The following NTSR2 variants were observed in gnomAD, a reference collection of about 807,000 sequenced individuals.
NTSR2 encodes neurotensin receptor 2.
Under a neutral mutation model 24.1 loss-of-function variants are expected in NTSR2, and 22 were observed. The ratio of observed to expected loss-of-function variants is 0.91; its 90% CI spans 0.65 to 1.30. NTSR2 has a LOEUF of 1.30. Ranked by LOEUF, NTSR2 falls within the 50% of genes most tolerant of loss-of-function variation. NTSR2 has a pLI of 0.00. For synonymous variants in NTSR2, 291 were observed against 267.0 expected (o/e 1.09, Z -0.88); for missense variants, 570 against 570.4 (o/e 1.00, Z 0.01).
intron 1 of NTSR2, 46 bp downstream of exon 1, chr2:11,669,460 G>GGGGGGGGGGGGGGGGCC: frequency 8.6e-5 from 22 of 254,716 alleles, no homozygotes; most frequent in Non-Finnish European, 1.2e-4. Flanking sequence ...TCCCAGCACC[G>GGGGGGGGGGGGGGGGCC]CCCCCCCACC....
At position 11,670,188 on chromosome 2, in the gene NTSR2, T is replaced by C. The variant is rs1052283907; in HGVS notation, c.-59A>G. ...CTGCCCGGAGTCTGGGCGAGCTGCCTGGTTAGTGAGCACCTCCTCTTCTCT... is the reference window on the plus strand; with the variant it reads ...CTGCCCGGAGTCTGGGCGAGCTGCCCGGTTAGTGAGCACCTCCTCTTCTCT... On this transcript the variant is annotated 5_prime_UTR_variant, in exon 1 of 4. Coordinates refer to ENST00000306928, the MANE Select transcript of NTSR2 (RefSeq NM_012344.4). The C allele has an allele frequency of 3.0e-6, 4 of 1,355,136 alleles. No homozygotes were observed. The African/African-American group carries it at 6.2e-5, about 21-fold the overall frequency. The allele number at this position is 1,355,136 out of a possible 1,614,324, so 83.9% of individuals were successfully genotyped here.
intron 1 of NTSR2, among the ~76,000 whole-genome samples, chr2:11,665,060 T>G (rs890664959): frequency 1.4e-5 from 2 of 139,578 alleles, no homozygotes; most frequent in African/African-American, 6.1e-5. Flanking sequence ...GCACTGTTTT[T>G]TTTTTTTTTT....
rs114776726 is a variant in NTSR2 at position 11,661,824 on chromosome 2, G to A, written c.898+143C>T. 4.2e-4 allele frequency: 290 copies of A among 688,314 alleles called. 1 individual carries two copies. In the African/African-American group the frequency reaches 4.6e-3, roughly 11 times the overall value. The allele number at this position is 688,314 out of a possible 1,614,324, so 42.6% of individuals were successfully genotyped here. On this transcript the variant is annotated intron_variant, in intron 2 of 3. Transcript: ENST00000306928. ...ACCGAACCCTACAGGAAGTCTGTTG[G>A]TTATACAGTTCCCCTGGGGCATAGG...
chr2:11,660,118 A>G lies in NTSR2; in HGVS notation c.914T>C (p.Met305Thr), dbSNP rs777662290. 5.0e-6 allele frequency: 8 copies of G among 1,613,494 alleles called. No homozygotes were observed. The highest frequency in any genetic ancestry group is 1.6e-4 in the Middle Eastern group (1 of 6,062). Residue 305 changes from methionine to threonine, a missense_variant, in exon 3 of 4, where the codon ATG becomes ACG. Coordinates refer to ENST00000306928, the MANE Select transcript of NTSR2 (RefSeq NM_012344.4). ...GTACGGCAGCCAGCAGATGACATAC[A>G]TGACCACGATGGCTCCTGCAGAGCA... Reference protein sequence around the residue: ...SVQVLRAIVVMYVICWLPYHA... With the variant: ...SVQVLRAIVVTYVICWLPYHA...
At chr2:11,662,262 C>T (rs376727017) in intron 1 of NTSR2, 22 bp from the exon 2 acceptor site, 2 of 1,474,736 alleles carry the variant, frequency 1.4e-6, no homozygotes, top group Non-Finnish European at 1.8e-6. Context: ...ATGCCAAGGG[C>T]TATGGGGCAG....
chr2:11,659,419 C>T (rs183726327), intron 3 of NTSR2, among the ~76,000 whole-genome samples: 20 of 152,246 alleles, frequency 1.3e-4, no homozygotes, highest in African/African-American at 4.6e-4. Flanking sequence ...CAGTGGGAAG[C>T]GCTTGGCACG....
At chr2:11,666,241 GCCCCAGA>G in intron 1 of NTSR2, among the ~76,000 whole-genome samples, 1 of 152,128 alleles carries the variant, frequency 6.6e-6, no homozygotes. Context: ...TCCAGCTGCT[GCCCCAGA>G]GGCCACAGGG....
intron 1 of NTSR2, among the ~76,000 whole-genome samples, chr2:11,667,479 T>A (rs1203428057): frequency 2.6e-5 from 4 of 152,138 alleles, no homozygotes; most frequent in African/African-American, 9.7e-5. Context: ...CCTCAACAGC[T>A]AGGACTACAG....
At position 11,670,070 on chromosome 2, in the gene NTSR2, G is replaced by T; in HGVS notation, c.60C>A (p.Asp20Glu). The change falls in exon 1 of 4, where the codon GAC becomes GAA. Residue 20 changes from aspartate to glutamate, a missense_variant. Transcript: ENST00000306928. ...RPSSNPGLSL[D>E]ARLGVDTRLW... is the part of the protein sequence containing the mutation. Reference sequence around the variant, plus strand: ...GGCGAGTGTCCACGCCCAGCCGGGCGTCCAGGCTCAGCCCCGGGTTGGAGC... The same window carrying T: ...GGCGAGTGTCCACGCCCAGCCGGGCTTCCAGGCTCAGCCCCGGGTTGGAGC... 1 of 1,460,386 alleles carries T rather than the reference G, an allele frequency of 6.8e-7. No individual in the cohort carries two copies. The allele number at this position is 1,460,386 out of a possible 1,614,324, so 90.5% of individuals were successfully genotyped here. A position where few individuals can be genotyped will look rare whatever the true frequency, so the allele number is the denominator to read the frequency against.
chr2:11,669,480 C>T lies in NTSR2; in HGVS notation c.624+26G>A, dbSNP rs989201633. ...GCACCGCCCCCCCACCCCCCCTCCC[C>T]CGACTCCCGCTCTCCACGCCCTTAC... On this transcript the variant is annotated intron_variant, in intron 1 of 3. Coordinates refer to ENST00000306928, the MANE Select transcript of NTSR2 (RefSeq NM_012344.4). 7.2e-5 allele frequency: 75 copies of T among 1,038,540 alleles called. 1 individual carries two copies. Among genetic ancestry groups the T allele is most frequent in the Non-Finnish European group, 8.8e-5 (71 of 805,988 alleles). 64.3% of individuals were successfully genotyped at this position (1,038,540 alleles called of 1,614,324 possible).
chr2:11,658,864 G>T, intron 3 of NTSR2, 142 bp from the exon 4 acceptor site: 1 of 1,023,978 alleles, frequency 9.8e-7, no homozygotes, highest in Admixed American at 2.5e-5. Flanking sequence ...GTTTTTGTTT[G>T]TTTGTTTGTT....
intron 1 of NTSR2, among the ~76,000 whole-genome samples, chr2:11,666,496 C>T (rs1386006747): frequency 6.6e-6 from 1 of 151,922 alleles, no homozygotes; most frequent in African/African-American, 2.4e-5. Flanking sequence ...GTCAGGAGAT[C>T]AAGACTATCC....
chr2:11,662,386 G>C, intron 1 of NTSR2, 146 bp from the exon 2 acceptor site: 2 of 734,814 alleles, frequency 2.7e-6, no homozygotes, highest in Non-Finnish European at 2.0e-6. Flanking sequence ...CTCAAAAAGT[G>C]AGGAGAGAGA....
At chr2:11,669,460 G>GCCCCCC in intron 1 of NTSR2, 46 bp downstream of exon 1, 1 of 254,726 alleles carries the variant, frequency 3.9e-6, no homozygotes, top group Non-Finnish European at 6.9e-6. Flanking sequence ...TCCCAGCACC[G>GCCCCCC]CCCCCCCACC....
intron 1 of NTSR2, among the ~76,000 whole-genome samples, chr2:11,663,088 A>G (rs367581756): frequency 6.6e-6 from 1 of 152,240 alleles, no homozygotes; most frequent in South Asian, 2.1e-4. Context: ...AGAATTTTAT[A>G]CCCAGCCATA....
At chr2:11,669,453 CAG>C in intron 1 of NTSR2, 51 bp downstream of exon 1, 2 of 357,012 alleles carry the variant, frequency 5.6e-6, no homozygotes, top group Non-Finnish European at 1.0e-5. Flanking sequence ...TCCCTCCTCC[CAG>C]CACCGCCCCC....
intron 1 of NTSR2, 46 bp downstream of exon 1, chr2:11,669,460 G>GGGGGGGGGGGCCCCCCC: frequency 7.9e-6 from 2 of 254,724 alleles, no homozygotes; most frequent in Non-Finnish European, 6.9e-6. Flanking sequence ...TCCCAGCACC[G>GGGGGGGGGGGCCCCCCC]CCCCCCCACC....
At chr2:11,660,213 G>A (rs528624989) in intron 2 of NTSR2, 80 bp from the exon 3 acceptor site, 5 of 1,083,112 alleles carry the variant, frequency 4.6e-6, no homozygotes, top group Non-Finnish European at 7.0e-6. Context: ...AAGGGAGGCT[G>A]ATGCCCGAGG....
At position 11,658,501 on chromosome 2, in the gene NTSR2, T is replaced by G; in HGVS notation, c.1211A>C (p.Asp404Ala). ...TLMDTASGFG[D>A]PPETRT ...CATTCAGGTCCGGGTTTCTGGGGGA[T>G]CCCCAAAGCCTGAAGCTGTATCCAT... is the stretch of plus-strand genomic sequence containing the variant. The change falls in exon 4 of 4, where the codon GAT becomes GCT. Residue 404 changes from aspartate (D) to alanine (A), a missense_variant. Coordinates refer to ENST00000306928, the MANE Select transcript of NTSR2 (RefSeq NM_012344.4). 6.2e-7 allele frequency: 1 copy of G among 1,605,038 alleles called. No homozygotes were observed. The highest frequency in any genetic ancestry group is 8.5e-7 in the Non-Finnish European group (1 of 1,174,882).
Sources: gnomAD v4.1 joint callset for allele counts (sites outside exome capture counted in the v4.1 genomes callset) on GRCh38, gnomAD v4.1.1 for gene constraint, MANE v1.5 for transcripts, NCBI Gene and HGNC (gene_info 2026-07-23, HGNC 2026-07-21) for gene names.